The following GRIP1 variants were observed in gnomAD, a reference collection of about 807,000 sequenced individuals.
GRIP1 encodes glutamate receptor-interacting protein 1.
A neutral mutation model predicts 129.9 loss-of-function variants in GRIP1; 45 were observed. That is an observed-to-expected ratio of 0.35 (90% CI 0.27 to 0.44). The LOEUF is 0.44. Ranked by LOEUF, GRIP1 falls within the 20% of genes least tolerant of loss-of-function variation. The pLI is 1.00. For missense variants in GRIP1, 1,196 were observed against 1,396.8 expected (o/e 0.86, Z 2.29); for synonymous variants, 530 against 520.8 (o/e 1.02, Z -0.24).
intron 1 of GRIP1, among the ~76,000 whole-genome samples, chr12:66,720,584 G>A (rs894684401): frequency 1.6e-4 from 24 of 152,122 alleles, no homozygotes; most frequent in Non-Finnish European, 1.5e-5. Context: ...TAAAGTTTAA[G>A]TAACATTATA....
chr12:66,843,172 A>C (rs2039751824), intron 1 of GRIP1, among the ~76,000 whole-genome samples: 1 of 152,140 alleles, frequency 6.6e-6, no homozygotes, highest in South Asian at 2.1e-4. Context: ...ATTAATAAAA[A>C]ATGCTTAAGG....
chr12:66,474,655 G>A (rs2059548920), intron 7 of GRIP1, among the ~76,000 whole-genome samples: 1 of 152,112 alleles, frequency 6.6e-6, no homozygotes, highest in Non-Finnish European at 1.5e-5. Flanking sequence ...CAAGCCAGAA[G>A]AGAGTGGGGG....
At chr12:66,711,653 G>A (rs1299130093) in intron 1 of GRIP1, among the ~76,000 whole-genome samples, 1 of 151,810 alleles carries the variant, frequency 6.6e-6, no homozygotes, top group Non-Finnish European at 1.5e-5. Context: ...GTAAATTTAT[G>A]TGTCTTATAA....
At chr12:66,817,243 C>T (rs1410249652) in intron 1 of GRIP1, among the ~76,000 whole-genome samples, 20 of 132,296 alleles carry the variant, frequency 1.5e-4, no homozygotes, top group Middle Eastern at 3.7e-3. Flanking sequence ...CACACACACA[C>T]ATATATATTT....
rs1002037882 is a variant in GRIP1 at position 66,598,527 on chromosome 12, A to G, written c.56-1600T>C. 2.1e-4 allele frequency among the ~76,000 whole-genome samples: 32 copies of G among 152,176 alleles called. 1 individual carries two copies. The highest frequency in any genetic ancestry group is 7.7e-4 in the African/African-American group (32 of 41,440). ...GTATAATTAAAATCCACAAAACAAA[A>G]TACAAAATGTAAACATTACACTATA... is the stretch of plus-strand genomic sequence containing the variant. On this transcript the variant is annotated intron_variant, in intron 1 of 24. Transcript: ENST00000359742.
At chr12:66,805,308 C>A (rs570663434), upstream of GRIP1, among the ~76,000 whole-genome samples, 1 of 152,078 alleles carries the variant, frequency 6.6e-6, no homozygotes, top group East Asian at 1.9e-4. Flanking sequence ...TTTTTAAGAA[C>A]CACAATCAGA....
chr12:66,651,678 A>G (rs1482339527), intron 1 of GRIP1, among the ~76,000 whole-genome samples: 1 of 152,176 alleles, frequency 6.6e-6, no homozygotes, highest in Non-Finnish European at 1.5e-5. Flanking sequence ...CACTGGCAAC[A>G]TGTTAAGTAG....
chr12:66,683,666 T>C (rs912180248), upstream of GRIP1, among the ~76,000 whole-genome samples: 1 of 152,152 alleles, frequency 6.6e-6, no homozygotes, highest in Non-Finnish European at 1.5e-5. Flanking sequence ...TCATGTGTCA[T>C]TTGCTTATCT....
intron 2 of GRIP1, among the ~76,000 whole-genome samples, chr12:66,575,771 T>C (rs1170343075): frequency 1.3e-5 from 2 of 152,198 alleles, no homozygotes; most frequent in Non-Finnish European, 2.9e-5. Flanking sequence ...AAGTTACTTT[T>C]AGCATTTAGC....
chr12:66,926,927 A>G (rs563244754), intron 1 of GRIP1, among the ~76,000 whole-genome samples: 64 of 152,346 alleles, frequency 4.2e-4, no homozygotes, highest in Non-Finnish European at 7.3e-4. Context: ...TCTAATCACA[A>G]TATTCTCCCA....
At chr12:66,889,843 T>A (rs1027431576) in intron 1 of GRIP1, among the ~76,000 whole-genome samples, 1 of 152,240 alleles carries the variant, frequency 6.6e-6, no homozygotes, top group Non-Finnish European at 1.5e-5. Context: ...GCCTAATATA[T>A]GCCATGCATT....
chr12:66,439,187 G>A (rs1388579978), intron 13 of GRIP1, among the ~76,000 whole-genome samples: 2 of 152,122 alleles, frequency 1.3e-5, no homozygotes, highest in Non-Finnish European at 2.9e-5. Flanking sequence ...TCTAAGTCCT[G>A]CCATCCTTCT....
chr12:66,604,996 T>C (rs2064447252), intron 1 of GRIP1, among the ~76,000 whole-genome samples: 1 of 139,340 alleles, frequency 7.2e-6, no homozygotes, highest in African/African-American at 2.7e-5. Context: ...ACATTTGGAG[T>C]AATTAAGGTT....
In GRIP1 at chr12:66,940,581, G is replaced by A. The variant is rs538135888; in HGVS notation, c.58+128469C>T. 1.4e-3 allele frequency among the ~76,000 whole-genome samples: 211 copies of A among 152,262 alleles called. 2 individuals are homozygous for A. Among genetic ancestry groups the A allele is most frequent in the African/African-American group, 4.9e-3 (203 of 41,558 alleles). On this transcript the variant is annotated intron_variant, in intron 1 of 1. Coordinates refer to the GRIP1 transcript ENST00000643019. Reference sequence around the variant, plus strand: ...TTAAAATGAAAGAACATGGTTTTCAGGATAAAATTCTTATTAGTTTCTATT... The same window carrying A: ...TTAAAATGAAAGAACATGGTTTTCAAGATAAAATTCTTATTAGTTTCTATT...
At chr12:66,959,237 T>A (rs1486096097) in intron 1 of GRIP1, among the ~76,000 whole-genome samples, 1 of 152,232 alleles carries the variant, frequency 6.6e-6, no homozygotes, top group Non-Finnish European at 1.5e-5. Context: ...TATTTCCTTT[T>A]TAAACAATAA....
intron 1 of GRIP1, among the ~76,000 whole-genome samples, chr12:66,843,176 C>T (rs765019513): frequency 6.6e-6 from 1 of 151,736 alleles, no homozygotes; most frequent in Non-Finnish European, 1.5e-5. Flanking sequence ...ATAAAAAATG[C>T]TTAAGGATAA....
intron 1 of GRIP1, among the ~76,000 whole-genome samples, chr12:67,046,573 T>C (rs2043257822): frequency 6.6e-6 from 1 of 152,220 alleles, no homozygotes; most frequent in South Asian, 2.1e-4. Flanking sequence ...CTGACCTATG[T>C]TCAACATTTT....
chr12:66,575,377 T>C (rs918932978), intron 2 of GRIP1, among the ~76,000 whole-genome samples: 1 of 152,220 alleles, frequency 6.6e-6, no homozygotes, highest in South Asian at 2.1e-4. Context: ...TTTTTATTGA[T>C]GATACCAATG....
intron 1 of GRIP1, among the ~76,000 whole-genome samples, chr12:66,973,308 G>A (rs868572699): frequency 8.0e-5 from 12 of 149,074 alleles, no homozygotes; most frequent in Admixed American, 1.3e-4. Context: ...TTTGGGGTAG[G>A]TTTTTTTCTT....
Sources: gnomAD v4.1 joint callset for allele counts (sites outside exome capture counted in the v4.1 genomes callset) on GRCh38, gnomAD v4.1.1 for gene constraint, MANE v1.5 for transcripts, NCBI Gene and HGNC (gene_info 2026-07-23, HGNC 2026-07-21) for gene names.